Variants in TELO2 observed in about 807,000 individuals in gnomAD.
The protein encoded by TELO2 is telomere length regulation protein TEL2 homolog.
A neutral mutation model predicts 91.0 loss-of-function variants in TELO2; 71 were observed. The observed-to-expected ratio is 0.78, with a 90% CI of 0.64 to 0.95. The LOEUF is 0.95. TELO2 is among the 40% of genes least tolerant of loss of function. The pLI is 0.00. For missense variants in TELO2, 1,183 were observed against 1,141.3 expected (o/e 1.04, Z -0.53); for synonymous variants, 584 against 518.9 (o/e 1.13, Z -1.71).
rs138481646 is a variant in TELO2 at position 1,497,934 on chromosome 16, G to C, written c.830+426G>C. Reference sequence around the variant, plus strand: ...CCATTTACCCCCACAAACCCTGCCAGCTCACCTGCCTCAGATGTCTCCCCT... The same window carrying C: ...CCATTTACCCCCACAAACCCTGCCACCTCACCTGCCTCAGATGTCTCCCCT... On this transcript the variant is annotated intron_variant, in intron 5 of 20. Coordinates refer to ENST00000262319, the MANE Select transcript of TELO2 (RefSeq NM_016111.4). The surrounding 1 kb of genome is among the most constrained non-coding windows in gnomAD (Gnocchi z 4.0). Among the ~76,000 whole-genome samples, 496 of 152,068 alleles carry C rather than the reference G, an allele frequency of 3.3e-3. 6 individuals are homozygous for C. Among genetic ancestry groups the C allele is most frequent in the African/African-American group, 0.011 (464 of 41,468 alleles).
rs570432590 is a variant in TELO2 at position 1,499,644 on chromosome 16, G to A, written c.933+311G>A. 3.9e-5 allele frequency among the ~76,000 whole-genome samples: 6 copies of A among 152,238 alleles called. No homozygotes were observed. In the East Asian group the frequency reaches 1.2e-3, roughly 29 times the overall value. On this transcript the variant is annotated intron_variant, in intron 6 of 20. Transcript: ENST00000262319. Reference sequence around the variant, plus strand: ...GGTGGGGGATAGGTGAGGACACAGAGGAGGTCGTGCATTTCCGGGACTTAT... The same window carrying A: ...GGTGGGGGATAGGTGAGGACACAGAAGAGGTCGTGCATTTCCGGGACTTAT...
chr16:1,509,795 C>A, intron 20 of TELO2, 35 bp from the exon 21 acceptor site: 1 of 1,577,792 alleles, frequency 6.3e-7, no homozygotes, highest in Non-Finnish European at 8.6e-7. Context: ...GCCCTCCACG[C>A]TGCCTCAGCT....
chr16:1,499,440 T>A, intron 6 of TELO2, 107 bp downstream of exon 6: 1 of 1,300,672 alleles, frequency 7.7e-7, no homozygotes, highest in Non-Finnish European at 1.1e-6. Flanking sequence ...ACCCTGCCTG[T>A]GATTTGGCAG....
chr16:1,502,975 C>A lies in TELO2; in HGVS notation c.1815C>A (p.Ser605Arg). The A allele has an allele frequency of 6.2e-7, 1 of 1,611,180 alleles. No individual in the cohort carries two copies. ...LTSQFYALNY[S>R]LRQRMDILDV... Reference sequence around the variant, plus strand: ...CACAGTTCTATGCCCTCAACTACAGCCTCCGGCAGCGCATGGACATCCTGG... The same window carrying A: ...CACAGTTCTATGCCCTCAACTACAGACTCCGGCAGCGCATGGACATCCTGG... The change falls in exon 15 of 21, where the codon AGC (serine) becomes AGA (arginine). Residue 605 changes from serine (S) to arginine (R), a missense_variant. Coordinates refer to ENST00000262319, the MANE Select transcript of TELO2 (RefSeq NM_016111.4).
intron 13 of TELO2, 50 bp from the exon 14 acceptor site, chr16:1,502,595 G>T: frequency 6.3e-7 from 1 of 1,587,446 alleles, no homozygotes; most frequent in Non-Finnish European, 8.6e-7. Context: ...GTGAGGCCTC[G>T]GCGGGCAGCT....
intron 17 of TELO2, 64 bp from the exon 18 acceptor site, chr16:1,506,888 C>T: frequency 4.0e-6 from 6 of 1,508,150 alleles, no homozygotes; most frequent in Non-Finnish European, 5.3e-6. Flanking sequence ...CCACGGTGGC[C>T]CAGGAGGTTG....
In TELO2 at chr16:1,499,348, G is replaced by A; in HGVS notation, c.933+15G>A. On this transcript the variant is annotated intron_variant, in intron 6 of 20. Transcript: ENST00000262319. The stretch of plus-strand genomic sequence containing the variant: ...CCCGGCTCACGGTGAGGACGCCACG[G>A]AGGGTGCAGGCTGCTGGCTGCCCCA... 6.2e-7 allele frequency: 1 copy of A among 1,613,078 alleles called. No individual in the cohort carries two copies. Among genetic ancestry groups the A allele is most frequent in the Non-Finnish European group, 8.5e-7 (1 of 1,179,424 alleles).
In TELO2 at chr16:1,509,917, TCCCA is replaced by T. The variant is rs1442471134; in HGVS notation, c.2499_2502del (p.Pro834ArgfsTer33). The T allele has an allele frequency of 1.2e-6, 2 of 1,602,624 alleles. No individual in the cohort carries two copies. The highest frequency in any genetic ancestry group is 1.7e-6 in the Non-Finnish European group (2 of 1,175,290). ...CTGCAGAGACTCAAGAACAGGCTCC[TCCCA>T]CCCGCGTCTCCCTAGTCCCTGGAGG... On this transcript the variant is annotated frameshift_variant, in exon 21 of 21. Coordinates refer to ENST00000262319, the MANE Select transcript of TELO2 (RefSeq NM_016111.4). LOFTEE classifies it high-confidence loss of function.
In TELO2 at chr16:1,494,303, G is replaced by A. The variant is rs1337441950; in HGVS notation, c.22G>A (p.Val8Ile). The A allele has an allele frequency of 1.2e-6, 2 of 1,612,714 alleles. No individual in the cohort carries two copies. Among genetic ancestry groups the A allele is most frequent in the Non-Finnish European group, 8.5e-7 (1 of 1,179,480 alleles). Reference protein sequence around the residue: MEPAPSEVRLAVREAIHA... With the variant: MEPAPSEIRLAVREAIHA... The stretch of plus-strand genomic sequence containing the variant: ...CAGGATGGAGCCAGCACCCTCAGAG[G>A]TTCGACTCGCCGTCCGGGAAGCCAT... The change falls in exon 2 of 21, where the codon GTT becomes ATT. Residue 8 changes from valine (V) to isoleucine (I), a missense_variant. Coordinates refer to ENST00000262319, the MANE Select transcript of TELO2 (RefSeq NM_016111.4). The surrounding 1 kb of genome is among the most constrained non-coding windows in gnomAD (Gnocchi z 5.6).
chr16:1,498,680 C>T (rs2039575697), intron 5 of TELO2, among the ~76,000 whole-genome samples: 1 of 151,992 alleles, frequency 6.6e-6, no homozygotes, highest in African/African-American at 2.4e-5. Flanking sequence ...AGTGATCCTC[C>T]TGCCTTGGCC....
At chr16:1,501,598 T>C in intron 10 of TELO2, 65 bp from the exon 11 acceptor site, 1 of 1,570,634 alleles carries the variant, frequency 6.4e-7, no homozygotes, top group South Asian at 1.1e-5. Flanking sequence ...CTTTCTGTCC[T>C]GTGAGTCCTG....
intron 3 of TELO2, 26 bp downstream of exon 3, chr16:1,495,649 T>C (rs753875969): frequency 2.4e-5 from 38 of 1,559,776 alleles, no homozygotes; most frequent in Non-Finnish European, 3.1e-5. Flanking sequence ...GGGGACCCCC[T>C]TTGCCACCCG....
Position 1,509,903 on chromosome 16 carries a change from C to G in TELO2, c.2481C>G (p.Leu827=). The change falls in exon 21 of 21, where the codon CTC becomes CTG. Residue 827 remains leucine, a synonymous_variant. Transcript: ENST00000262319. The part of the protein sequence containing the change: ...ALRALLLLQR[L]KNRLLPPASP ...GGGCCCTGCTGCTTCTGCAGAGACT[C>G]AAGAACAGGCTCCTCCCACCCGCGT... 6.2e-7 allele frequency: 1 copy of G among 1,609,568 alleles called. No homozygotes were observed. The highest frequency in any genetic ancestry group is 8.5e-7 in the Non-Finnish European group (1 of 1,178,452).
In TELO2 at chr16:1,507,051, G is replaced by A. The variant is rs1005887230; in HGVS notation, c.2226G>A (p.Thr742=). The change falls in exon 18 of 21, where the codon ACG becomes ACA. Residue 742 remains threonine (T), a splice_region_variant and synonymous_variant. Coordinates refer to ENST00000262319, the MANE Select transcript of TELO2 (RefSeq NM_016111.4). ...TGATGTGCCTGGCTGTTAACACCAC[G>A]GTGAGCCGGGAGAGGTCGCCGGGCG... The part of the protein sequence containing the change: ...GALMCLAVNT[T]VAVAMGKALL... The A allele has an allele frequency of 4.4e-6, 7 of 1,605,044 alleles. No individual in the cohort carries two copies. Among genetic ancestry groups the A allele is most frequent in the South Asian group, 2.2e-5 (2 of 89,838 alleles).
At chr16:1,501,390 G>A (rs2039670283) in intron 9 of TELO2, 30 bp from the exon 10 acceptor site, 2 of 1,606,292 alleles carry the variant, frequency 1.2e-6, no homozygotes, top group Non-Finnish European at 1.7e-6. Flanking sequence ...CAGCCTGGCG[G>A]ATGCCGCTGA....
Position 1,494,555 on chromosome 16 carries a change from C to G in TELO2, c.274C>G (p.Leu92Val). The change falls in exon 2 of 21, where the codon CTG (leucine) becomes GTG (valine). Residue 92 changes from leucine (L) to valine (V), a missense_variant. Coordinates refer to ENST00000262319, the MANE Select transcript of TELO2 (RefSeq NM_016111.4). The surrounding 1 kb of genome is among the most constrained non-coding windows in gnomAD (Gnocchi z 5.6). Reference sequence around the variant, plus strand: ...GGAGGAGCTGTGGGCCAGCTTCTTCCTGGAGGGCCCGGCGGACCAAGCCTT... The same window carrying G: ...GGAGGAGCTGTGGGCCAGCTTCTTCGTGGAGGGCCCGGCGGACCAAGCCTT... ...RLEELWASFFLEGPADQAFLV... is the reference protein window; with the variant it reads ...RLEELWASFFVEGPADQAFLV... 1.9e-6 allele frequency: 3 copies of G among 1,613,568 alleles called. No homozygotes were observed. The highest frequency in any genetic ancestry group is 2.5e-6 in the Non-Finnish European group (3 of 1,179,964).
intron 17 of TELO2, 85 bp downstream of exon 17, chr16:1,506,414 C>G: frequency 1.9e-6 from 3 of 1,609,284 alleles, no homozygotes; most frequent in Non-Finnish European, 2.5e-6. Context: ...GGGCTGGGAT[C>G]TGAGTGGGTT....
At position 1,502,904 on chromosome 16, in the gene TELO2, A is replaced by G. The variant is rs774915435; in HGVS notation, c.1771-27A>G. 1.6e-5 allele frequency: 26 copies of G among 1,608,976 alleles called. No individual in the cohort carries two copies. The South Asian group carries it at 2.9e-4, about 18-fold the overall frequency. Reference sequence around the variant, plus strand: ...CCGGGTGGCCCTCAGGTCCCGGACCACAGCAGCCTCTCCCCTGTGTCCTCA... The same window carrying G: ...CCGGGTGGCCCTCAGGTCCCGGACCGCAGCAGCCTCTCCCCTGTGTCCTCA... On this transcript the variant is annotated intron_variant, in intron 14 of 20. Coordinates refer to ENST00000262319, the MANE Select transcript of TELO2 (RefSeq NM_016111.4).
chr16:1,493,516 G>A lies in TELO2; in HGVS notation c.-126G>A, dbSNP rs996291334. ...GCTGGGCCGCGATCGCGTTTCGTCC[G>A]GGGCCGCGGCGGCCGTGGGGAATCG... On this transcript the variant is annotated 5_prime_UTR_variant, in exon 1 of 21. Transcript: ENST00000262319. The surrounding 1 kb of genome is among the most constrained non-coding windows in gnomAD (Gnocchi z 4.3). 1 of 152,264 alleles carries A rather than the reference G, an allele frequency of 6.6e-6. No homozygotes were observed. Among genetic ancestry groups the A allele is most frequent in the African/African-American group, 2.4e-5 (1 of 41,462 alleles). The allele number at this position is 152,264 out of a possible 1,614,324, so 9.4% of individuals were successfully genotyped here.
Sources: allele counts gnomAD v4.1 joint callset (sites outside exome capture counted in the v4.1 genomes callset), GRCh38; gene constraint gnomAD v4.1.1; non-coding constraint Gnocchi (gnomAD v3.1); transcripts MANE v1.5; gene names NCBI Gene and HGNC (gene_info 2026-07-23, HGNC 2026-07-21).